The following RGS6 variants were observed in gnomAD, a reference collection of about 807,000 sequenced individuals.
RGS6 encodes regulator of G-protein signaling 6.
In RGS6, 30 loss-of-function variants were observed where a neutral mutation model predicts 78.5. The observed-to-expected ratio is 0.38, with a 90% CI of 0.29 to 0.52. The LOEUF (loss-of-function observed/expected upper bound fraction) is 0.52, where lower values mean the gene tolerates loss of function less well. Ranked by LOEUF, RGS6 falls within the 20% of genes least tolerant of loss-of-function variation. RGS6 has a pLI of 0.85. For synonymous variants in RGS6, 206 were observed against 206.0 expected, an observed-to-expected ratio of 1.00 and a Z score of 0.00; for missense variants, 495 against 609.7, an observed-to-expected ratio of 0.81 and a Z score of 1.98.
In RGS6 at chr14:72,375,263, G is replaced by A. The variant is rs1488981520; in HGVS notation, c.184+23069G>A. On this transcript the variant is annotated intron_variant, in intron 3 of 17. Transcript: ENST00000553525. ...GACAGTTTTTCTGAGTGGATTAAAAGCATCGGGTTCCAAAAGCCAAAAAAA... is the reference window on the plus strand; with the variant it reads ...GACAGTTTTTCTGAGTGGATTAAAAACATCGGGTTCCAAAAGCCAAAAAAA... Among the ~76,000 whole-genome samples, 8 of 152,234 alleles carry A rather than the reference G, an allele frequency of 5.3e-5. No homozygotes were observed. The South Asian group carries it at 1.7e-3, about 32-fold the overall frequency.
rs142939244 is a variant in RGS6, at chr14:72,558,022, C to T, written c.1423-4395C>T. Among the ~76,000 whole-genome samples the T allele has an allele frequency of 5.9e-3, 903 of 151,962 alleles. 7 individuals are homozygous for T. Among genetic ancestry groups the T allele is most frequent in the Middle Eastern group, 0.027 (8 of 294 alleles). ...TTTTCTTTTGAGATATAATTATGCA[C>T]GGTAAAATGAACAGACCTGAAGTAC... On this transcript the variant is annotated intron_variant, in intron 17 of 17. Coordinates refer to ENST00000553525, the MANE Select transcript of RGS6 (RefSeq NM_001204424.2).
At chr14:71,879,244 T>G in the RGS6 span, among the ~76,000 whole-genome samples, 10,603 of 152,254 alleles carry the variant, frequency 0.07, 824 homozygotes, top group East Asian at 0.21. Context: ...GGTATAACAG[T>G]TAATTCTGAA....
intron 2 of RGS6, among the ~76,000 whole-genome samples, chr14:71,973,370 CTT>C (rs35957548): frequency 4.8e-5 from 7 of 144,676 alleles, no homozygotes; most frequent in South Asian, 2.2e-4. Flanking sequence ...TTTTTTCACT[CTT>C]TTTTTTTTTT....
chr14:72,389,690 C>T (rs2089404327), intron 3 of RGS6, among the ~76,000 whole-genome samples: 3 of 152,136 alleles, frequency 2.0e-5, no homozygotes, highest in Admixed American at 1.3e-4. Context: ...TAAGATCCCC[C>T]AATAATTGTG....
rs72547271 is a variant in RGS6 at position 72,562,478 on chromosome 14, C to T, written c.*11C>T. 6.1e-5 allele frequency: 98 copies of T among 1,611,808 alleles called. 1 individual carries two copies. In the East Asian group the frequency reaches 6.2e-4, roughly 10 times the overall value. On this transcript the variant is annotated 3_prime_UTR_variant, in exon 18 of 18. Transcript: ENST00000553525. ...ATGCAGTCCTCCTGACCGTTCCTAC[C>T]GCAGGTCCAGGGCCTGGGCCCGCGG... is the stretch of plus-strand genomic sequence containing the variant.
chr14:71,892,023 C>T, the RGS6 span, among the ~76,000 whole-genome samples: 4 of 152,142 alleles, frequency 2.6e-5, no homozygotes, highest in African/African-American at 9.7e-5. Flanking sequence ...TATAATAGCT[C>T]ATTCTCTGAA....
chr14:72,396,350 C>G (rs920008743), intron 3 of RGS6, among the ~76,000 whole-genome samples: 7 of 152,164 alleles, frequency 4.6e-5, no homozygotes. Flanking sequence ...TGAGAAGTGT[C>G]TGTTCATATC....
intron 2 of RGS6, among the ~76,000 whole-genome samples, chr14:71,981,810 C>T (rs2094471493): frequency 6.7e-6 from 1 of 149,454 alleles, no homozygotes; most frequent in Admixed American, 6.7e-5. Flanking sequence ...GTGGTGGGCT[C>T]CACCCAGTTC....
chr14:72,087,451 C>T (rs963207697), intron 2 of RGS6, among the ~76,000 whole-genome samples: 31 of 151,714 alleles, frequency 2.0e-4, no homozygotes, highest in Non-Finnish European at 3.5e-4. Flanking sequence ...TATATATATA[C>T]TTTTTTAATG....
At chr14:72,615,616 C>T in the RGS6 span, among the ~76,000 whole-genome samples, 1 of 152,192 alleles carries the variant, frequency 6.6e-6, no homozygotes, top group Non-Finnish European at 1.5e-5. Context: ...TTCCACCCAC[C>T]CACAGGCTCT....
intron 2 of RGS6, among the ~76,000 whole-genome samples, chr14:72,295,994 G>C (rs1467691008): frequency 1.3e-5 from 2 of 152,144 alleles, no homozygotes; most frequent in African/African-American, 4.8e-5. Flanking sequence ...CCATCATGCG[G>C]GAAAGTTCTC....
chr14:72,470,164 G>T, intron 8 of RGS6, 81 bp downstream of exon 8: 1 of 1,067,078 alleles, frequency 9.4e-7, no homozygotes. Context: ...GATTGTCAAA[G>T]TGAAGTTTCC....
At chr14:72,534,319 A>G (rs1036042437) in intron 15 of RGS6, among the ~76,000 whole-genome samples, 3 of 152,250 alleles carry the variant, frequency 2.0e-5, no homozygotes, top group African/African-American at 7.2e-5. Context: ...TTGACTACAT[A>G]TAGTGTAAAC....
At chr14:72,418,122 A>G (rs2093953348) in intron 3 of RGS6, among the ~76,000 whole-genome samples, 1 of 151,896 alleles carries the variant, frequency 6.6e-6, no homozygotes, top group South Asian at 2.1e-4. Context: ...GGAAAAGACC[A>G]TGAAGCGGAC....
intron 2 of RGS6, among the ~76,000 whole-genome samples, chr14:72,336,901 G>T (rs1317608390): frequency 6.6e-6 from 1 of 152,078 alleles, no homozygotes; most frequent in Admixed American, 6.5e-5. Context: ...GTGTGTGCCT[G>T]TCTGTGTCTA....
the RGS6 span, among the ~76,000 whole-genome samples, chr14:71,877,913 T>G: frequency 6.6e-6 from 1 of 152,246 alleles, no homozygotes; most frequent in Non-Finnish European, 1.5e-5. Flanking sequence ...GTCAGGACCC[T>G]CAGCTGCAGG....
chr14:71,980,143 G>C (rs1359338614), intron 2 of RGS6, among the ~76,000 whole-genome samples: 2 of 120,930 alleles, frequency 1.7e-5, no homozygotes, highest in Non-Finnish European at 3.4e-5. Flanking sequence ...TTTATTTTGA[G>C]CCTATGTGTG....
the RGS6 span, among the ~76,000 whole-genome samples, chr14:72,622,518 A>C: frequency 6.6e-6 from 1 of 152,172 alleles, no homozygotes; most frequent in African/African-American, 2.4e-5. Context: ...AAACAGTAAT[A>C]ACCCCTACTA....
At chr14:71,927,923 G>A (rs1328811499), upstream of RGS6, among the ~76,000 whole-genome samples, 1 of 152,100 alleles carries the variant, frequency 6.6e-6, no homozygotes, top group African/African-American at 2.4e-5. Flanking sequence ...CTCCCAAAGT[G>A]CTGGGATTAC....
Sources: allele counts gnomAD v4.1 joint callset (sites outside exome capture counted in the v4.1 genomes callset), GRCh38; gene constraint gnomAD v4.1.1; transcripts MANE v1.5; gene names NCBI Gene and HGNC (gene_info 2026-07-23, HGNC 2026-07-21).